Variants in POGLUT3 observed in about 807,000 individuals in gnomAD.
POGLUT3 encodes KDEL (Lys-Asp-Glu-Leu) containing 2.
In POGLUT3, 48 loss-of-function variants were observed where a neutral mutation model predicts 54.3. The ratio of observed to expected loss-of-function variants is 0.88; its 90% confidence interval spans 0.70 to 1.12. The LOEUF (loss-of-function observed/expected upper bound fraction) is 1.12, where lower values mean the gene tolerates loss of function less well. POGLUT3 is among the 50% of genes most tolerant of loss of function. POGLUT3 has a pLI of 0.00. For missense variants in POGLUT3, 629 were observed against 618.7 expected, an observed-to-expected ratio of 1.02 and a Z score of -0.18; for synonymous variants, 218 against 237.4, an observed-to-expected ratio of 0.92 and a Z score of 0.75.
At chr11:108,489,132 G>A (rs2093608747) in intron 2 of POGLUT3, among the ~76,000 whole-genome samples, 1 of 152,116 alleles carries the variant, frequency 6.6e-6, no homozygotes, top group East Asian at 1.9e-4. Flanking sequence ...ATCGTACATT[G>A]CAGAAGAAAA....
intron 1 of POGLUT3, among the ~76,000 whole-genome samples, chr11:108,492,111 T>A (rs1195796164): frequency 2.6e-5 from 4 of 151,752 alleles, no homozygotes; most frequent in African/African-American, 9.7e-5. Context: ...AACACACACA[T>A]ACACATCTTT....
rs567928853 is a variant in POGLUT3, at chr11:108,498,057, G to T, written c.202+108C>A. The T allele has an allele frequency of 6.1e-6, 6 of 985,750 alleles. No homozygotes were observed. In the African/African-American group the frequency reaches 8.7e-5, roughly 14 times the overall value. The allele number at this position is 985,750 out of a possible 1,614,324, so 61.1% of individuals were successfully genotyped here. ...GAGCTGACCAGACCCAAAAAGGGGC[G>T]ACACACGCCGGGGAGGGACGCCACG... On this transcript the variant is annotated intron_variant, in intron 1 of 7. Coordinates refer to ENST00000323468, the MANE Select transcript of POGLUT3 (RefSeq NM_153705.5).
At chr11:108,490,050 C>G (rs2093610367) in intron 2 of POGLUT3, among the ~76,000 whole-genome samples, 1 of 151,958 alleles carries the variant, frequency 6.6e-6, no homozygotes, top group Non-Finnish European at 1.5e-5. Context: ...CCACACCCAG[C>G]TAATTTTTTG....
chr11:108,475,463 G>GTTTTTTTTTTTTTTTTTTTTTTTT (rs367899085), intron 7 of POGLUT3, among the ~76,000 whole-genome samples: 5 of 109,924 alleles, frequency 4.5e-5, no homozygotes, highest in Non-Finnish European at 7.2e-5. Context: ...AGTTTTTTTT[G>GTTTTTTTTTTTTTTTTTTTTTTTT]TTTTTGTTTT....
chr11:108,482,075 T>G lies in POGLUT3; in HGVS notation c.832A>C (p.Ile278Leu). 3.1e-6 allele frequency: 5 copies of G among 1,614,172 alleles called. No homozygotes were observed. The highest frequency in any genetic ancestry group is 4.2e-6 in the Non-Finnish European group (5 of 1,180,018). Residue 278 changes from isoleucine (I) to leucine (L), a missense_variant, in exon 4 of 8, where the codon ATC becomes CTC. Coordinates refer to ENST00000323468, the MANE Select transcript of POGLUT3 (RefSeq NM_153705.5). ...SRDVVLPTYDITHSMLEAMRG... is the reference protein window; with the variant it reads ...SRDVVLPTYDLTHSMLEAMRG... ...ATGGCTTCAAGCATGGAGTGGGTGA[T>G]GTCATACGTTGGAAGGACAACATCT... is the stretch of plus-strand genomic sequence containing the variant.
At chr11:108,497,512 A>C (rs987052586) in intron 1 of POGLUT3, among the ~76,000 whole-genome samples, 2 of 152,242 alleles carry the variant, frequency 1.3e-5, no homozygotes, top group Non-Finnish European at 2.9e-5. Context: ...GAAGTTGCAA[A>C]GGTTAAGACG....
At chr11:108,486,547 TA>T (rs2093603824) in intron 2 of POGLUT3, 107 bp from the exon 3 acceptor site, 1 of 1,141,342 alleles carries the variant, frequency 8.8e-7, no homozygotes, top group Admixed American at 2.5e-5. Context: ...TATCCAGAGA[TA>T]ATCTGCCCTA....
In POGLUT3 at chr11:108,480,904, A is replaced by G. The variant is rs961608043; in HGVS notation, c.1098+276T>C. ...TTTATGAAAGCAAATACAAAAAAAA[A>G]AAAGAAAGAAAAACGAGACATAAAT... On this transcript the variant is annotated intron_variant, in intron 5 of 7. Transcript: ENST00000323468. Among the ~76,000 whole-genome samples the G allele has an allele frequency of 2.6e-5, 4 of 152,060 alleles. No individual in the cohort carries two copies. In the East Asian group the frequency reaches 7.7e-4, roughly 29 times the overall value.
rs766118757 is a variant in POGLUT3, at chr11:108,481,313, C to T, written c.965G>A (p.Arg322Lys). Residue 322 changes from arginine (R) to lysine (K), a missense_variant, in exon 5 of 8, where the codon AGG becomes AAG. Coordinates refer to ENST00000323468, the MANE Select transcript of POGLUT3 (RefSeq NM_153705.5). ...FFRGRDSREE[R>K]LQLVQLSKEN... is the part of the protein sequence containing the mutation. ...TTTGGACAGCTGTACCAACTGGAGCCTCTCCTCTCGGCTGTCTCTACCTCT... is the reference window on the plus strand; with the variant it reads ...TTTGGACAGCTGTACCAACTGGAGCTTCTCCTCTCGGCTGTCTCTACCTCT... 7.4e-6 allele frequency: 12 copies of T among 1,612,600 alleles called. No individual in the cohort carries two copies. The highest frequency in any genetic ancestry group is 5.9e-6 in the Non-Finnish European group (7 of 1,179,502).
intron 1 of POGLUT3, among the ~76,000 whole-genome samples, chr11:108,497,937 T>C (rs2093625189): frequency 6.6e-6 from 1 of 152,324 alleles, no homozygotes; most frequent in South Asian, 2.1e-4. Context: ...GCACATTAAA[T>C]GCGGAAGGGC....
At chr11:108,482,312 T>C in intron 3 of POGLUT3, 90 bp from the exon 4 acceptor site, 1 of 858,858 alleles carries the variant, frequency 1.2e-6, no homozygotes, top group East Asian at 2.6e-5. Context: ...TTACATATTT[T>C]TGACAGGGCT....
At chr11:108,477,074 C>A (rs1265931505) in intron 7 of POGLUT3, among the ~76,000 whole-genome samples, 1 of 151,970 alleles carries the variant, frequency 6.6e-6, no homozygotes, top group Non-Finnish European at 1.5e-5. Context: ...GGGCTCCCAG[C>A]GTCGTTTTAC....
In POGLUT3 at chr11:108,479,208, C is replaced by T. The variant is rs1465686311; in HGVS notation, c.1293+93G>A. 4.9e-6 allele frequency: 4 copies of T among 823,734 alleles called. No individual in the cohort carries two copies. The East Asian group carries it at 9.2e-5, about 19-fold the overall frequency. 51.0% of individuals were successfully genotyped at this position (823,734 alleles called of 1,614,324 possible). A position where few individuals can be genotyped will look rare whatever the true frequency, so the allele number is the denominator to read the frequency against. On this transcript the variant is annotated intron_variant, in intron 6 of 7. Transcript: ENST00000323468. ...CAGAAAATAATATTTCTTTTCATTC[C>T]ATTATGTCAAATCAAATTGTATTGT...
chr11:108,495,717 G>A (rs1490467155), intron 1 of POGLUT3, among the ~76,000 whole-genome samples: 1 of 151,954 alleles, frequency 6.6e-6, no homozygotes, highest in East Asian at 1.9e-4. Context: ...GGAGTGCAGT[G>A]GCACAATCAT....
intron 1 of POGLUT3, 90 bp from the exon 2 acceptor site, chr11:108,491,257 T>C: frequency 9.3e-7 from 1 of 1,076,286 alleles, no homozygotes; most frequent in Admixed American, 2.1e-5. Flanking sequence ...CTTAAATATG[T>C]TGCTTTTTCC....
At chr11:108,491,263 T>C (rs759694653) in intron 1 of POGLUT3, 96 bp from the exon 2 acceptor site, 29 of 975,012 alleles carry the variant, frequency 3.0e-5, no homozygotes, top group Non-Finnish European at 4.5e-5. Context: ...TATGTTGCTT[T>C]TTCCTGCAGC....
intron 1 of POGLUT3, among the ~76,000 whole-genome samples, chr11:108,494,437 T>C (rs750964570): frequency 2.0e-5 from 3 of 152,232 alleles, no homozygotes; most frequent in Non-Finnish European, 4.4e-5. Context: ...CAAGATCTTA[T>C]TGTAAACTGA....
chr11:108,481,710 C>T (rs930111961), intron 4 of POGLUT3, among the ~76,000 whole-genome samples: 9 of 116,498 alleles, frequency 7.7e-5, no homozygotes, highest in African/African-American at 1.7e-4. Context: ...GAAATAATGT[C>T]GGACCGTGTT....
chr11:108,479,447 G>C lies in POGLUT3; in HGVS notation c.1147C>G (p.Pro383Ala). The C allele has an allele frequency of 6.2e-7, 1 of 1,611,688 alleles. No individual in the cohort carries two copies. The highest frequency in any genetic ancestry group is 1.1e-5 in the South Asian group (1 of 90,476). ...VDGTVAAYRY[P>A]YLMLGDSLVL... Reference sequence around the variant, plus strand: ...AGACTGTCGCCCAGCATGAGATATGGATATCTGTAAGCAGCCACGGTCCCA... The same window carrying C: ...AGACTGTCGCCCAGCATGAGATATGCATATCTGTAAGCAGCCACGGTCCCA... The change falls in exon 6 of 8, where the codon CCA (proline) becomes GCA (alanine). Residue 383 changes from proline to alanine, a missense_variant. Physicochemically the swap from Pro to Ala is conservative, Grantham distance 27. Coordinates refer to ENST00000323468, the MANE Select transcript of POGLUT3 (RefSeq NM_153705.5).
Sources: allele counts gnomAD v4.1 joint callset (sites outside exome capture counted in the v4.1 genomes callset), GRCh38; gene constraint gnomAD v4.1.1; transcripts MANE v1.5; gene names NCBI Gene and HGNC (gene_info 2026-07-23, HGNC 2026-07-21).